Variants in GLS observed in about 807,000 individuals in gnomAD.
GLS encodes glutaminase kidney isoform, mitochondrial.
GLS carries 36 observed loss-of-function variants against 86.7 expected under a neutral mutation model. That is an observed-to-expected ratio of 0.42 (90% CI 0.32 to 0.55). The LOEUF is 0.55. GLS is among the 20% of genes least tolerant of loss of function. The probability of loss-of-function intolerance (pLI) is 0.17; values close to 1 mark genes in which losing one functional copy is unlikely to be tolerated. For synonymous variants in GLS, 317 were observed against 305.9 expected, an observed-to-expected ratio of 1.04 and a Z score of -0.38; for missense variants, 528 against 833.4, an observed-to-expected ratio of 0.63 and a Z score of 4.51.
In GLS at chr2:190,951,956, A is replaced by G. The variant is rs1312916735; in HGVS notation, c.1651-1609A>G. Reference sequence around the variant, plus strand: ...ATGTTGGCTCATGCCTGTAATCCCAACAGTTTGGGAGGCCAAGGCAGAAGG... The same window carrying G: ...ATGTTGGCTCATGCCTGTAATCCCAGCAGTTTGGGAGGCCAAGGCAGAAGG... On this transcript the variant is annotated intron_variant, in intron 14 of 17. Transcript: ENST00000320717. The surrounding 1 kb of genome is among the most constrained non-coding windows in gnomAD (Gnocchi z 4.2). Among the ~76,000 whole-genome samples, 14 of 152,308 alleles carry G rather than the reference A, an allele frequency of 9.2e-5. No individual in the cohort carries two copies. Among genetic ancestry groups the G allele is most frequent in the Admixed American group, 9.2e-4 (14 of 15,300 alleles).
chr2:190,911,953 G>GT (rs1689376984), intron 7 of GLS, among the ~76,000 whole-genome samples: 2 of 152,076 alleles, frequency 1.3e-5, no homozygotes. Flanking sequence ...ACTGCACACA[G>GT]TTAAAAATCT....
At chr2:190,909,897 C>A (rs141851025) in intron 6 of GLS, among the ~76,000 whole-genome samples, 80 of 152,070 alleles carry the variant, frequency 5.3e-4, no homozygotes, top group Middle Eastern at 3.4e-3. Context: ...AAACATTAGC[C>A]AGGTGTGGTA....
rs192399668 is a variant in GLS at position 190,939,976 on chromosome 2, A to T, written c.1650+8339A>T. Among the ~76,000 whole-genome samples, 32 of 151,960 alleles carry T rather than the reference A, an allele frequency of 2.1e-4. No homozygotes were observed. The East Asian group carries it at 4.6e-3, about 22-fold the overall frequency. The stretch of plus-strand genomic sequence containing the variant: ...CCAAAATGAGGTAATTTAAAAAATT[A>T]TATCAAAGTTACTCAGGAAATGGGT... On this transcript the variant is annotated intron_variant, in intron 14 of 17. Transcript: ENST00000320717.
intron 14 of GLS, among the ~76,000 whole-genome samples, chr2:190,945,778 T>C (rs1690563825): frequency 1.3e-5 from 2 of 152,198 alleles, no homozygotes; most frequent in East Asian, 3.8e-4. Context: ...GGTTGTATTT[T>C]TAAAGTGAAA....
At chr2:190,917,659 C>T (rs1262554149) in intron 7 of GLS, among the ~76,000 whole-genome samples, 1 of 152,142 alleles carries the variant, frequency 6.6e-6, no homozygotes, top group Non-Finnish European at 1.5e-5. Flanking sequence ...TGAAGTTACT[C>T]CTTGATCCAT....
At chr2:190,917,011 C>T (rs1410022886) in intron 7 of GLS, among the ~76,000 whole-genome samples, 3 of 152,112 alleles carry the variant, frequency 2.0e-5, no homozygotes, top group Non-Finnish European at 2.9e-5. Context: ...CTGAAGATTG[C>T]GGTGGCTGTG....
rs535634386 is a variant in GLS at position 190,938,144 on chromosome 2, G to T, written c.1650+6507G>T. Reference sequence around the variant, plus strand: ...TTTAAGCCATATTTCAATATCTGAGGATATGATTTTTCTGTACATAGTATG... The same window carrying T: ...TTTAAGCCATATTTCAATATCTGAGTATATGATTTTTCTGTACATAGTATG... On this transcript the variant is annotated intron_variant, in intron 14 of 17. Coordinates refer to ENST00000320717, the MANE Select transcript of GLS (RefSeq NM_014905.5). The surrounding 1 kb of genome is among the most constrained non-coding windows in gnomAD (Gnocchi z 4.1). 2.7e-4 allele frequency among the ~76,000 whole-genome samples: 41 copies of T among 151,138 alleles called. No individual in the cohort carries two copies. The South Asian group carries it at 4.6e-3, about 17-fold the overall frequency.
Position 190,935,333 on chromosome 2 carries a change from G to A in GLS, c.1650+3696G>A. On this transcript the variant is annotated intron_variant, in intron 14 of 17. Coordinates refer to ENST00000320717, the MANE Select transcript of GLS (RefSeq NM_014905.5). The surrounding 1 kb of genome is among the most constrained non-coding windows in gnomAD (Gnocchi z 4.2). ...TTTGTTTTGTTTTGTTTTTATAAAA[G>A]CAACTTCAACATTTTAAGTACAAAT... is the stretch of plus-strand genomic sequence containing the variant. The A allele has an allele frequency of 7.7e-6, 2 of 258,066 alleles. No homozygotes were observed. Among genetic ancestry groups the A allele is most frequent in the Non-Finnish European group, 1.2e-5 (2 of 165,502 alleles). The allele number at this position is 258,066 out of a possible 1,614,324, so 16.0% of individuals were successfully genotyped here.
chr2:190,880,929 C>T lies in GLS; in HGVS notation c.-156C>T. 1.1e-6 allele frequency: 1 copy of T among 899,258 alleles called. No individual in the cohort carries two copies. Among genetic ancestry groups the T allele is most frequent in the Non-Finnish European group, 1.7e-6 (1 of 583,024 alleles). The allele number at this position is 899,258 out of a possible 1,614,324, so 55.7% of individuals were successfully genotyped here. ...CAGCAGCAGCAGCAGCACCCGCATCCGCTGCGGGAGTCCGAGCCGGAACCA... is the reference window on the plus strand; with the variant it reads ...CAGCAGCAGCAGCAGCACCCGCATCTGCTGCGGGAGTCCGAGCCGGAACCA... On this transcript the variant is annotated 5_prime_UTR_variant, in exon 1 of 18. Coordinates refer to ENST00000320717, the MANE Select transcript of GLS (RefSeq NM_014905.5).
chr2:190,925,944 T>TC (rs1689882272), intron 11 of GLS, among the ~76,000 whole-genome samples: 1 of 152,202 alleles, frequency 6.6e-6, no homozygotes, highest in Admixed American at 6.5e-5. Flanking sequence ...GCCTTTTTTT[T>TC]CCCCCTGGTC....
rs1187074165 is a variant in GLS at position 190,880,967 on chromosome 2, T to G, written c.-118T>G. ...CGAGCCGGAACCACACCCAAGTAGC[T>G]GCCCTTTCCTCTTCTGTCATCTCAC... On this transcript the variant is annotated 5_prime_UTR_variant, in exon 1 of 18. Coordinates refer to ENST00000320717, the MANE Select transcript of GLS (RefSeq NM_014905.5). 7.5e-6 allele frequency: 9 copies of G among 1,194,286 alleles called. No individual in the cohort carries two copies. The highest frequency in any genetic ancestry group is 1.1e-5 in the Non-Finnish European group (9 of 847,452). 74.0% of individuals were successfully genotyped at this position (1,194,286 alleles called of 1,614,324 possible).
rs200922781 is a variant in GLS, at chr2:190,910,246, G to C, written c.980-17G>C. ...TTTAAGTATTTGAAATAATGGTATT[G>C]CTTTTATATTTTACAGATAAACCAC... On this transcript the variant is annotated splice_polypyrimidine_tract_variant and intron_variant, in intron 6 of 17. Transcript: ENST00000320717. 7 of 1,394,862 alleles carry C rather than the reference G, an allele frequency of 5.0e-6. No individual in the cohort carries two copies. Among genetic ancestry groups the C allele is most frequent in the Admixed American group, 1.8e-5 (1 of 54,532 alleles). 86.4% of individuals were successfully genotyped at this position (1,394,862 alleles called of 1,614,324 possible).
chr2:190,948,031 T>C (rs1020297561), intron 14 of GLS, among the ~76,000 whole-genome samples: 1 of 152,214 alleles, frequency 6.6e-6, no homozygotes, highest in Non-Finnish European at 1.5e-5. Flanking sequence ...TTTCATAATT[T>C]ATGTAAACTT....
At position 190,895,731 on chromosome 2, in the gene GLS, A is replaced by C. The variant is rs765146517; in HGVS notation, c.605+6A>C. ...GACAAAGATCTTTTTAAAAAGTAAA[A>C]GTTTCTGCCAAACCTTTAATGGTGA... On this transcript the variant is annotated splice_donor_region_variant and intron_variant, in intron 3 of 17. Coordinates refer to ENST00000320717, the MANE Select transcript of GLS (RefSeq NM_014905.5). This position sits in a 1 kb window ranked among gnomAD's most constrained non-coding sequence, Gnocchi z 4.2. The C allele has an allele frequency of 8.3e-6, 13 of 1,568,440 alleles. No homozygotes were observed. In the Admixed American group the frequency reaches 2.2e-4, roughly 27 times the overall value.
intron 1 of GLS, chr2:190,881,712 G>T: frequency 4.4e-6 from 2 of 456,196 alleles, no homozygotes; most frequent in Non-Finnish European, 7.8e-6. Context: ...GGGTCGCCCT[G>T]GTGGGGCCGC....
At chr2:190,917,618 C>T (rs991185923) in intron 7 of GLS, among the ~76,000 whole-genome samples, 8 of 152,176 alleles carry the variant, frequency 5.3e-5, no homozygotes, top group African/African-American at 1.9e-4. Flanking sequence ...GCCTTATGAA[C>T]TGTGTTTCTT....
Position 190,935,935 on chromosome 2 carries a change from A to G in GLS, c.1650+4298A>G, listed in dbSNP as rs1403602597. Among the ~76,000 whole-genome samples the G allele has an allele frequency of 1.3e-5, 2 of 151,186 alleles. No homozygotes were observed. Among genetic ancestry groups the G allele is most frequent in the African/African-American group, 4.8e-5 (2 of 41,388 alleles). On this transcript the variant is annotated intron_variant, in intron 14 of 17. Transcript: ENST00000320717. This position sits in a 1 kb window ranked among gnomAD's most constrained non-coding sequence, Gnocchi z 4.2. Reference sequence around the variant, plus strand: ...CCATGTATTGTAGGTCAAATATAGTACTTTACATTTTTATGTTTAATTAAA... The same window carrying G: ...CCATGTATTGTAGGTCAAATATAGTGCTTTACATTTTTATGTTTAATTAAA...
rs866015190 is a variant in GLS at position 190,949,845 on chromosome 2, C to T, written c.1651-3720C>T. ...TTATGTGTGATAGACACTGAGTTTA[C>T]GGTGGGGAACAGAAAGACAAGTGGT... On this transcript the variant is annotated intron_variant, in intron 14 of 17. Transcript: ENST00000320717. This position sits in a 1 kb window ranked among gnomAD's most constrained non-coding sequence, Gnocchi z 4.0. 1.1e-4 allele frequency among the ~76,000 whole-genome samples: 16 copies of T among 151,708 alleles called. No individual in the cohort carries two copies. Among genetic ancestry groups the T allele is most frequent in the Non-Finnish European group, 1.6e-4 (11 of 67,978 alleles).
intron 12 of GLS, 81 bp downstream of exon 12, chr2:190,927,563 C>A: frequency 1.0e-6 from 1 of 960,882 alleles, no homozygotes; most frequent in South Asian, 1.7e-5. Context: ...TTGAACTTTG[C>A]TTCTAAAGCT....
Sources: allele counts gnomAD v4.1 joint callset (sites outside exome capture counted in the v4.1 genomes callset), GRCh38; gene constraint gnomAD v4.1.1; non-coding constraint Gnocchi (gnomAD v3.1); transcripts MANE v1.5; gene names NCBI Gene and HGNC (gene_info 2026-07-23, HGNC 2026-07-21).